The following EPB41L4A variants were observed in gnomAD, a reference collection of about 807,000 sequenced individuals.
EPB41L4A encodes erythrocyte membrane protein band 4.1 like 4A.
In EPB41L4A, 100 loss-of-function variants were observed where a neutral mutation model predicts 108.6. That is an observed-to-expected ratio of 0.92 (90% CI 0.78 to 1.09). EPB41L4A has a LOEUF of 1.09. EPB41L4A is among the 50% of genes least tolerant of loss of function. The probability of loss-of-function intolerance (pLI) is 0.00; values close to 1 mark genes in which losing one functional copy is unlikely to be tolerated. For synonymous variants in EPB41L4A, 319 were observed against 289.0 expected, an observed-to-expected ratio of 1.10 and a Z score of -1.05; for missense variants, 1,030 against 842.7, an observed-to-expected ratio of 1.22 and a Z score of -2.75.
At chr5:112,246,119 G>A (rs371540954) in intron 9 of EPB41L4A, among the ~76,000 whole-genome samples, 20 of 152,306 alleles carry the variant, frequency 1.3e-4, no homozygotes, top group African/African-American at 4.1e-4. Flanking sequence ...AAGCTCCTCC[G>A]GGCAGGGAGG....
intron 15 of EPB41L4A, among the ~76,000 whole-genome samples, chr5:112,198,861 T>G (rs1762088780): frequency 6.6e-6 from 1 of 152,184 alleles, no homozygotes; most frequent in Non-Finnish European, 1.5e-5. Context: ...AATAATTAGT[T>G]TTTTAGAAAT....
chr5:112,381,486 T>A (rs1386444888), intron 1 of EPB41L4A, among the ~76,000 whole-genome samples: 3 of 152,224 alleles, frequency 2.0e-5, no homozygotes, highest in African/African-American at 7.2e-5. Flanking sequence ...TTATATTCCA[T>A]CCAGTGTGCA....
intron 1 of EPB41L4A, among the ~76,000 whole-genome samples, chr5:112,371,165 G>T (rs1338648490): frequency 6.6e-6 from 1 of 152,178 alleles, no homozygotes; most frequent in African/African-American, 2.4e-5. Flanking sequence ...CCTTGTGTGT[G>T]TATTTACATT....
chr5:112,344,275 A>G (rs1757502830), intron 1 of EPB41L4A, among the ~76,000 whole-genome samples: 1 of 152,226 alleles, frequency 6.6e-6, no homozygotes, highest in East Asian at 1.9e-4. Context: ...TCAAGTACTC[A>G]ACATCTACAT....
intron 1 of EPB41L4A, among the ~76,000 whole-genome samples, chr5:112,393,371 A>G (rs1413431131): frequency 6.6e-6 from 1 of 152,180 alleles, no homozygotes; most frequent in African/African-American, 2.4e-5. Flanking sequence ...AAAAGAGAGA[A>G]GAATCAAACA....
intron 2 of EPB41L4A, among the ~76,000 whole-genome samples, chr5:112,300,366 T>C (rs976934469): frequency 6.6e-6 from 1 of 152,172 alleles, no homozygotes; most frequent in Non-Finnish European, 1.5e-5. Flanking sequence ...TCTCTCAGCA[T>C]TTGTTTACCT....
At chr5:112,236,656 C>T (rs948211441) in intron 11 of EPB41L4A, among the ~76,000 whole-genome samples, 1 of 152,206 alleles carries the variant, frequency 6.6e-6, no homozygotes, top group Non-Finnish European at 1.5e-5. Flanking sequence ...TCACCCACTT[C>T]CCTGCTGCCT....
At position 112,162,708 on chromosome 5, in the gene EPB41L4A, CATAG is replaced by C. The variant is rs1025075471; in HGVS notation, c.*2278_*2281del. On this transcript the variant is annotated 3_prime_UTR_variant, in exon 23 of 23. Coordinates refer to ENST00000261486, the MANE Select transcript of EPB41L4A (RefSeq NM_022140.5). ...ACAACACAGTTCTTCCCTTTGGAAA[CATAG>C]ATAAGTGGAGGGAATGTCATCACAA... 6.6e-6 allele frequency: 1 copy of C among 152,140 alleles called. No homozygotes were observed. Among genetic ancestry groups the C allele is most frequent in the African/African-American group, 2.4e-5 (1 of 41,406 alleles). 9.4% of individuals were successfully genotyped at this position (152,140 alleles called of 1,614,324 possible).
At chr5:112,180,687 T>C (rs1427397241) in intron 18 of EPB41L4A, among the ~76,000 whole-genome samples, 2 of 105,760 alleles carry the variant, frequency 1.9e-5, no homozygotes, top group Non-Finnish European at 4.1e-5. Flanking sequence ...TAACTAGAAA[T>C]GAAAAAAACT....
intron 12 of EPB41L4A, among the ~76,000 whole-genome samples, chr5:112,213,462 C>T (rs146981183): frequency 2.0e-4 from 31 of 152,130 alleles, no homozygotes; most frequent in Non-Finnish European, 3.2e-4. Flanking sequence ...GATTCCCTTA[C>T]CTCAGCCTCA....
At chr5:112,169,922 T>C (rs1050559130) in intron 20 of EPB41L4A, 2 of 211,226 alleles carry the variant, frequency 9.5e-6, no homozygotes, top group Non-Finnish European at 1.9e-5. Flanking sequence ...CTCAATGTGC[T>C]GCTTCTATGC....
At position 112,339,518 on chromosome 5, in the gene EPB41L4A, A is replaced by C. The variant is rs963016322; in HGVS notation, c.100-32028T>G. Among the ~76,000 whole-genome samples the C allele has an allele frequency of 2.2e-4, 8 of 37,192 alleles. 1 individual carries two copies. The highest frequency in any genetic ancestry group is 2.2e-3 in the South Asian group (1 of 462). 24.4% of individuals were successfully genotyped at this position (37,192 alleles called of 152,430 possible). A position where few individuals can be genotyped will look rare whatever the true frequency, so the allele number is the denominator to read the frequency against. On this transcript the variant is annotated intron_variant, in intron 1 of 22. Transcript: ENST00000261486. ...TATCTATATATATATATAGATATATAGATATATATCTATATATATATATAT... is the reference window on the plus strand; with the variant it reads ...TATCTATATATATATATAGATATATCGATATATATCTATATATATATATAT...
chr5:112,193,520 C>T (rs1225299829), intron 17 of EPB41L4A, among the ~76,000 whole-genome samples: 2 of 152,132 alleles, frequency 1.3e-5, no homozygotes, highest in African/African-American at 2.4e-5. Flanking sequence ...AGGCTGGTCT[C>T]GAACTCCCAA....
At chr5:112,226,981 G>GA (rs35333803) in intron 12 of EPB41L4A, among the ~76,000 whole-genome samples, 32,320 of 139,304 alleles carry the variant, frequency 0.23, 4,132 homozygotes, top group Non-Finnish European at 0.3. Flanking sequence ...TTACCACAAT[G>GA]AAAAAAAAAA....
At chr5:112,310,155 G>C (rs965178448) in intron 1 of EPB41L4A, among the ~76,000 whole-genome samples, 2 of 152,138 alleles carry the variant, frequency 1.3e-5, no homozygotes, top group Admixed American at 1.3e-4. Context: ...GTGATAATTT[G>C]TTATGCAACA....
intron 2 of EPB41L4A, among the ~76,000 whole-genome samples, chr5:112,298,719 T>A (rs931248878): frequency 2.0e-5 from 3 of 152,228 alleles, no homozygotes. Flanking sequence ...GTCAATATGA[T>A]TGGTATTAAT....
At chr5:112,407,151 C>T (rs1260090387) in intron 1 of EPB41L4A, among the ~76,000 whole-genome samples, 1 of 152,042 alleles carries the variant, frequency 6.6e-6, no homozygotes, top group Non-Finnish European at 1.5e-5. Flanking sequence ...TGTGAAGCTA[C>T]CACATTATCT....
At chr5:112,357,513 T>A (rs1758438095) in intron 1 of EPB41L4A, among the ~76,000 whole-genome samples, 3 of 152,216 alleles carry the variant, frequency 2.0e-5, no homozygotes, top group African/African-American at 7.2e-5. Context: ...TAAGACCAGG[T>A]GCCTGGAAAG....
chr5:112,353,649 T>C (rs1409449999), intron 1 of EPB41L4A, among the ~76,000 whole-genome samples: 1 of 152,062 alleles, frequency 6.6e-6, no homozygotes, highest in Non-Finnish European at 1.5e-5. Context: ...AGAGGTATAA[T>C]TAGGCAACAG....
Sources: allele counts gnomAD v4.1 joint callset (sites outside exome capture counted in the v4.1 genomes callset), GRCh38; gene constraint gnomAD v4.1.1; transcripts MANE v1.5; gene names NCBI Gene and HGNC (gene_info 2026-07-23, HGNC 2026-07-21).